RBFOX1: variants seen among roughly 807,000 people sequenced by gnomAD.
RBFOX1 encodes RNA binding protein fox-1 homolog 1.
A neutral mutation model predicts 57.7 loss-of-function variants in RBFOX1; 8 were observed. The observed-to-expected ratio is 0.14, with a 90% confidence interval of 0.08 to 0.25. The LOEUF (loss-of-function observed/expected upper bound fraction) is 0.25, where lower values mean the gene tolerates loss of function less well. Ranked by LOEUF, RBFOX1 falls within the 10% of genes least tolerant of loss-of-function variation. The probability of loss-of-function intolerance (pLI) is 1.00; values close to 1 mark genes in which losing one functional copy is unlikely to be tolerated. For synonymous variants in RBFOX1, 326 were observed against 222.4 expected, an observed-to-expected ratio of 1.47 and a Z score of -4.15; for missense variants, 611 against 548.5, an observed-to-expected ratio of 1.11 and a Z score of -1.14.
chr16:7,131,142 C>T (rs75099501), intron 4 of RBFOX1, among the ~76,000 whole-genome samples: 10,399 of 151,912 alleles, frequency 0.068, 533 homozygotes, highest in East Asian at 0.22. Context: ...GCCAGGAGTT[C>T]GAAACAAGCC....
At chr16:5,797,604 C>G (rs1043939306) in intron 3 of RBFOX1, among the ~76,000 whole-genome samples, 1 of 152,154 alleles carries the variant, frequency 6.6e-6, no homozygotes, top group African/African-American at 2.4e-5. Context: ...AATCCTACAT[C>G]CAGTTAAGTG....
chr16:6,491,764 C>T (rs2095637752), intron 2 of RBFOX1, among the ~76,000 whole-genome samples: 1 of 152,256 alleles, frequency 6.6e-6, no homozygotes, highest in Non-Finnish European at 1.5e-5. Flanking sequence ...CAGCTAGTGA[C>T]TAAAAGGGCT....
At chr16:6,582,489 C>T (rs1468622455) in intron 2 of RBFOX1, among the ~76,000 whole-genome samples, 1 of 145,694 alleles carries the variant, frequency 6.9e-6, no homozygotes, top group African/African-American at 2.5e-5. Flanking sequence ...TTTTAGATGC[C>T]CTTGGACCTC....
intron 3 of RBFOX1, among the ~76,000 whole-genome samples, chr16:6,705,714 GA>G (rs1482919957): frequency 6.6e-6 from 1 of 152,136 alleles, no homozygotes; most frequent in Non-Finnish European, 1.5e-5. Context: ...GAGAAATAAA[GA>G]GGGATAAAAT....
intron 2 of RBFOX1, among the ~76,000 whole-genome samples, chr16:6,642,366 C>T (rs533436231): frequency 1.2e-3 from 185 of 152,250 alleles, no homozygotes; most frequent in South Asian, 7.9e-3. Flanking sequence ...ATTAAACTCC[C>T]GCTGTGATGC....
At chr16:6,670,207 G>T (rs2098755607) in intron 3 of RBFOX1, among the ~76,000 whole-genome samples, 1 of 152,028 alleles carries the variant, frequency 6.6e-6, no homozygotes, top group Non-Finnish European at 1.5e-5. Context: ...GGAACCACAG[G>T]AGTGCACCGT....
intron 4 of RBFOX1, among the ~76,000 whole-genome samples, chr16:7,438,988 T>G (rs903890363): frequency 9.9e-5 from 15 of 152,194 alleles, no homozygotes; most frequent in Non-Finnish European, 1.6e-4. Context: ...TAGAGAATCT[T>G]TAATGAGGGC....
chr16:7,519,587 G>A, intron 5 of RBFOX1: 1 of 379,566 alleles, frequency 2.6e-6, no homozygotes, highest in Non-Finnish European at 3.6e-6. Flanking sequence ...GTTCATTTGT[G>A]TGCCACCTAA....
intron 4 of RBFOX1, among the ~76,000 whole-genome samples, chr16:7,497,234 G>A (rs1262186317): frequency 6.6e-6 from 1 of 152,092 alleles, no homozygotes; most frequent in Admixed American, 6.6e-5. Flanking sequence ...TCTAGCCCCA[G>A]TTCCTGCTAA....
At position 5,542,840 on chromosome 16, in the gene RBFOX1, T is replaced by G. The variant is rs74449512; in HGVS notation, c.259-56062T>G. Among the ~76,000 whole-genome samples the G allele has an allele frequency of 8.2e-3, 1,251 of 152,308 alleles. 24 individuals are homozygous for G. Among genetic ancestry groups the G allele is most frequent in the African/African-American group, 0.028 (1,172 of 41,550 alleles). On this transcript the variant is annotated intron_variant, in intron 2 of 2. Transcript: ENST00000585867. ...AGGCAGAGTCCCCTAAGGTTCAATG[T>G]CCACTCAATGACCCGTTCCAGGGAA... is the stretch of plus-strand genomic sequence containing the variant.
At chr16:5,292,991 G>A (rs1040571872) in intron 1 of RBFOX1, among the ~76,000 whole-genome samples, 3 of 151,960 alleles carry the variant, frequency 2.0e-5, no homozygotes, top group African/African-American at 7.3e-5. Context: ...CTTGGGCAAA[G>A]GTTTGATTTT....
At chr16:6,333,499 C>G (rs1354394176) in intron 2 of RBFOX1, among the ~76,000 whole-genome samples, 1 of 152,194 alleles carries the variant, frequency 6.6e-6, no homozygotes, top group East Asian at 1.9e-4. Flanking sequence ...ATCATAGCTT[C>G]TCTTTGCCTC....
chr16:6,804,358 A>G (rs2086215420), intron 3 of RBFOX1, among the ~76,000 whole-genome samples: 1 of 152,122 alleles, frequency 6.6e-6, no homozygotes, highest in Non-Finnish European at 1.5e-5. Flanking sequence ...TTCTTCCTTC[A>G]TGGAAGTTAA....
At chr16:6,383,288 C>T (rs549799976) in intron 2 of RBFOX1, among the ~76,000 whole-genome samples, 2 of 152,344 alleles carry the variant, frequency 1.3e-5, no homozygotes, top group East Asian at 3.9e-4. Flanking sequence ...ACCTCTTAAA[C>T]TTGGCATCAG....
chr16:5,684,077 A>G (rs557420927), intron 3 of RBFOX1, among the ~76,000 whole-genome samples: 1 of 152,230 alleles, frequency 6.6e-6, no homozygotes, highest in South Asian at 2.1e-4. Context: ...ATTGAACTTT[A>G]TAGGTTTTCT....
rs766586814 is a variant in RBFOX1, at chr16:7,690,157, G to A, written c.995+13319G>A. On this transcript the variant is annotated intron_variant, in intron 14 of 15. Transcript: ENST00000550418. The stretch of plus-strand genomic sequence containing the variant: ...TAGAGTCACCTATAGAGCATTTTCC[G>A]AACTACTTTCCAGGCCCTACCCCAG... Among the ~76,000 whole-genome samples the A allele has an allele frequency of 8.5e-5, 13 of 152,078 alleles. No homozygotes were observed. In the East Asian group the frequency reaches 1.2e-3, roughly 14 times the overall value.
intron 2 of RBFOX1, among the ~76,000 whole-genome samples, chr16:6,464,483 C>A (rs2153069496): frequency 6.6e-6 from 1 of 152,268 alleles, no homozygotes; most frequent in East Asian, 1.9e-4. Flanking sequence ...ATAACGAAGT[C>A]CTACCCTGAT....
intron 4 of RBFOX1, among the ~76,000 whole-genome samples, chr16:5,875,523 C>T (rs530341419): frequency 1.3e-5 from 2 of 152,340 alleles, no homozygotes; most frequent in South Asian, 4.1e-4. Context: ...CTGTAGCTTA[C>T]AGAAGGCAAT....
At chr16:7,256,141 A>T (rs1603450548) in intron 4 of RBFOX1, among the ~76,000 whole-genome samples, 2 of 152,346 alleles carry the variant, frequency 1.3e-5, no homozygotes, top group Admixed American at 1.3e-4. Context: ...AAAAATAAAT[A>T]CATAGAATGT....
Sources: allele counts gnomAD v4.1 joint callset (sites outside exome capture counted in the v4.1 genomes callset), GRCh38; gene constraint gnomAD v4.1.1; transcripts MANE v1.5; gene names NCBI Gene and HGNC (gene_info 2026-07-23, HGNC 2026-07-21).